The following AGBL1 variants were observed in gnomAD, a reference collection of about 807,000 sequenced individuals.
AGBL1 encodes cytosolic carboxypeptidase 4.
AGBL1 carries 130 observed loss-of-function variants against 118.9 expected under a neutral mutation model. That is an observed-to-expected ratio of 1.09 (90% confidence interval 0.95 to 1.26). The LOEUF (loss-of-function observed/expected upper bound fraction) is 1.26. AGBL1 is among the 50% of genes most tolerant of loss of function. The pLI, the probability that AGBL1 is intolerant of heterozygous loss-of-function variation, is 0.00. For missense variants in AGBL1, 1,584 were observed against 1,298.1 expected, an observed-to-expected ratio of 1.22 and a Z score of -3.38; for synonymous variants, 555 against 478.9, an observed-to-expected ratio of 1.16 and a Z score of -2.08.
chr15:86,931,805 G>A (rs1265269516), intron 23 of AGBL1, among the ~76,000 whole-genome samples: 1 of 152,122 alleles, frequency 6.6e-6, no homozygotes, highest in Non-Finnish European at 1.5e-5. Context: ...AACCCTGAAG[G>A]CATCATGGTT....
chr15:87,026,417 G>A (rs974088776), intron 24 of AGBL1, among the ~76,000 whole-genome samples: 1 of 151,996 alleles, frequency 6.6e-6, no homozygotes. Context: ...CTAATGATCA[G>A]GGAAATACAA....
chr15:86,778,239 G>C (rs777624386), intron 22 of AGBL1, among the ~76,000 whole-genome samples: 1 of 152,144 alleles, frequency 6.6e-6, no homozygotes, highest in Non-Finnish European at 1.5e-5. Context: ...GCAAATGGAG[G>C]CAGGGCGAGA....
intron 17 of AGBL1, among the ~76,000 whole-genome samples, chr15:86,393,122 G>A (rs1051923940): frequency 1.3e-5 from 2 of 152,158 alleles, no homozygotes; most frequent in Non-Finnish European, 2.9e-5. Flanking sequence ...ATGTCTTCAT[G>A]AGAATCCATC....
At chr15:86,790,141 G>A (rs2078470706) in intron 22 of AGBL1, among the ~76,000 whole-genome samples, 3 of 151,966 alleles carry the variant, frequency 2.0e-5, no homozygotes, top group Non-Finnish European at 4.4e-5. Flanking sequence ...TTTGCACTTG[G>A]CAACCATTTT....
intron 1 of AGBL1, chr15:86,139,729 C>T (rs1167022827): frequency 6.6e-6 from 1 of 151,684 alleles, no homozygotes; most frequent in Non-Finnish European, 1.5e-5. Flanking sequence ...AATTAATTTA[C>T]AAATCAAAAT....
At chr15:86,922,796 G>A (rs1481884009) in intron 23 of AGBL1, among the ~76,000 whole-genome samples, 1 of 152,206 alleles carries the variant, frequency 6.6e-6, no homozygotes, top group Non-Finnish European at 1.5e-5. Flanking sequence ...AAGAGGCAAT[G>A]AAGCGATTTC....
chr15:86,224,084 G>A (rs991714814), intron 5 of AGBL1, among the ~76,000 whole-genome samples: 1 of 152,160 alleles, frequency 6.6e-6, no homozygotes, highest in Non-Finnish European at 1.5e-5. Context: ...GGTGGAAACA[G>A]ATCACTGCTT....
chr15:86,233,721 T>G (rs552362426), intron 6 of AGBL1, among the ~76,000 whole-genome samples: 1 of 152,318 alleles, frequency 6.6e-6, no homozygotes, highest in African/African-American at 2.4e-5. Context: ...GAAGAACTAG[T>G]GAAGTTTGAC....
chr15:86,296,589 A>G (rs2079646808), intron 17 of AGBL1: 1 of 152,228 alleles, frequency 6.6e-6, no homozygotes, highest in Non-Finnish European at 1.5e-5. Context: ...GATCGGAATT[A>G]TATTTTCTCA....
At chr15:86,540,214 G>A (rs2083475624) in intron 19 of AGBL1, among the ~76,000 whole-genome samples, 1 of 152,134 alleles carries the variant, frequency 6.6e-6, no homozygotes, top group Non-Finnish European at 1.5e-5. Flanking sequence ...GGAGAGCAGT[G>A]CTGTGTTATA....
intron 22 of AGBL1, among the ~76,000 whole-genome samples, chr15:86,776,677 T>A (rs1403121396): frequency 6.6e-6 from 1 of 151,758 alleles, no homozygotes; most frequent in Non-Finnish European, 1.5e-5. Flanking sequence ...TGTTTTGCTT[T>A]TATTTGAATG....
intron 9 of AGBL1, 164 bp from the exon 10 acceptor site, chr15:86,262,614 T>C: frequency 1.5e-6 from 1 of 686,924 alleles, no homozygotes; most frequent in Non-Finnish European, 2.7e-6. Context: ...ATTTTAAAAA[T>C]ACAATCCAGC....
At chr15:86,945,263 A>C (rs2080804830) in intron 23 of AGBL1, among the ~76,000 whole-genome samples, 1 of 151,544 alleles carries the variant, frequency 6.6e-6, no homozygotes, top group Non-Finnish European at 1.5e-5. Flanking sequence ...AAAAAAAAAA[A>C]AAAAGTTATA....
At chr15:86,755,486 C>A (rs2077922985) in intron 22 of AGBL1, among the ~76,000 whole-genome samples, 1 of 152,072 alleles carries the variant, frequency 6.6e-6, no homozygotes, top group East Asian at 1.9e-4. Context: ...CTTCAAGGAG[C>A]AATGGACACC....
chr15:86,901,731 TA>T (rs1230997553), intron 22 of AGBL1, among the ~76,000 whole-genome samples: 1 of 152,154 alleles, frequency 6.6e-6, no homozygotes, highest in Non-Finnish European at 1.5e-5. Context: ...AAATAGTTTA[TA>T]ATTTTCTTTG....
chr15:86,364,694 G>A (rs571583777), intron 17 of AGBL1, among the ~76,000 whole-genome samples: 3 of 151,876 alleles, frequency 2.0e-5, no homozygotes, highest in Admixed American at 6.6e-5. Flanking sequence ...TGTGCCCTTA[G>A]CATCTCAGTT....
chr15:86,265,942 T>A (rs2079064018), intron 11 of AGBL1, among the ~76,000 whole-genome samples: 1 of 152,178 alleles, frequency 6.6e-6, no homozygotes. Context: ...GAATATAAAT[T>A]GCACAAGGGT....
chr15:86,817,274 A>G (rs1375142740), intron 22 of AGBL1, among the ~76,000 whole-genome samples: 5 of 148,626 alleles, frequency 3.4e-5, no homozygotes, highest in African/African-American at 1.2e-4. Context: ...CCTGGGATAC[A>G]AGAACAAAAC....
Position 86,090,676 on chromosome 15 carries a change from CT to C in AGBL1, c.51+10656del, listed in dbSNP as rs1333765856. Among the ~76,000 whole-genome samples, 4 of 152,168 alleles carry C rather than the reference CT, an allele frequency of 2.6e-5. No individual in the cohort carries two copies. The South Asian group carries it at 6.2e-4, about 24-fold the overall frequency. On this transcript the variant is annotated intron_variant, in intron 1 of 22. Coordinates refer to ENST00000614907, the MANE Select transcript of AGBL1 (RefSeq NM_001386094.1). The stretch of plus-strand genomic sequence containing the variant: ...ACTTGGGCTTGACTTTGTTTATGCT[CT>C]TTATTTTTTGATATTATATATGTCA...
Sources: allele counts gnomAD v4.1 joint callset (sites outside exome capture counted in the v4.1 genomes callset), GRCh38; gene constraint gnomAD v4.1.1; transcripts MANE v1.5; gene names NCBI Gene and HGNC (gene_info 2026-07-23, HGNC 2026-07-21).